Variants in FRMPD2 observed in about 807,000 individuals in gnomAD.
FRMPD2 encodes the protein FERM and PDZ domain containing 2.
Under a neutral mutation model 140.1 loss-of-function variants are expected in FRMPD2, and 96 were observed. The ratio of observed to expected loss-of-function variants is 0.69; its 90% CI spans 0.58 to 0.81. The LOEUF (loss-of-function observed/expected upper bound fraction) is 0.81. FRMPD2 is among the 40% of genes least tolerant of loss of function. The probability of loss-of-function intolerance (pLI) is 0.00; values close to 1 mark genes in which losing one functional copy is unlikely to be tolerated. For missense variants in FRMPD2, 1,240 were observed against 1,447.4 expected (o/e 0.86, Z 2.32); for synonymous variants, 449 against 547.6 (o/e 0.82, Z 2.52).
At chr10:48,218,132 G>A (rs534315225) in intron 12 of FRMPD2, among the ~76,000 whole-genome samples, 4 of 152,266 alleles carry the variant, frequency 2.6e-5, no homozygotes, top group Admixed American at 2.0e-4. Context: ...CCTCCATGGT[G>A]TTTCTTTGTG....
intron 2 of FRMPD2, 78 bp from the exon 3 acceptor site, chr10:48,249,256 T>C: frequency 7.0e-7 from 1 of 1,420,214 alleles, no homozygotes. Context: ...GCCCAGCAGG[T>C]GCCTGGCAGT....
chr10:48,206,156 T>C (rs1433984256), intron 14 of FRMPD2, among the ~76,000 whole-genome samples: 4 of 152,032 alleles, frequency 2.6e-5, no homozygotes, highest in Non-Finnish European at 5.9e-5. Context: ...TGCATGCAAA[T>C]AGTGTTCAAG....
intron 1 of FRMPD2, among the ~76,000 whole-genome samples, chr10:48,263,134 A>G (rs1169854970): frequency 6.6e-6 from 1 of 152,188 alleles, no homozygotes; most frequent in Non-Finnish European, 1.5e-5. Context: ...TGAAAATACA[A>G]GTTACCAAAA....
intron 3 of FRMPD2, among the ~76,000 whole-genome samples, chr10:48,246,281 C>T (rs280614): frequency 0.28 from 41,975 of 152,106 alleles, 8,423 homozygotes; most frequent in African/African-American, 0.57. Context: ...GCAGACAGAG[C>T]TCCAGCATCC....
chr10:48,238,637 A>C (rs1840025409), intron 7 of FRMPD2, among the ~76,000 whole-genome samples: 1 of 152,238 alleles, frequency 6.6e-6, no homozygotes, highest in Non-Finnish European at 1.5e-5. Context: ...GACATCAACT[A>C]TGACAAGACA....
At chr10:48,223,429 G>A (rs1839655725) in intron 10 of FRMPD2, among the ~76,000 whole-genome samples, 159 bp from the exon 11 acceptor site, 1 of 152,158 alleles carries the variant, frequency 6.6e-6, no homozygotes, top group Admixed American at 6.5e-5. Context: ...AGGAACCTTT[G>A]TTGGGGTCAT....
chr10:48,249,913 C>T (rs111712964), intron 2 of FRMPD2, among the ~76,000 whole-genome samples: 7,195 of 152,030 alleles, frequency 0.047, 575 homozygotes, highest in African/African-American at 0.17. Context: ...CATTAGAGGG[C>T]TCTGAAGAGA....
chr10:48,214,820 A>G (rs1328212318), intron 12 of FRMPD2, among the ~76,000 whole-genome samples: 2 of 152,236 alleles, frequency 1.3e-5, no homozygotes, highest in East Asian at 3.8e-4. Context: ...ATACCCCACA[A>G]TACAAGAATG....
intron 1 of FRMPD2, among the ~76,000 whole-genome samples, chr10:48,266,593 A>G (rs1172515541): frequency 6.6e-6 from 1 of 152,246 alleles, no homozygotes; most frequent in African/African-American, 2.4e-5. Context: ...GTCTTGAGAT[A>G]GTCTTTTCAA....
Position 48,184,782 on chromosome 10 carries a change from A to G in FRMPD2, c.2459T>C (p.Ile820Thr), listed in dbSNP as rs759930061. 2.6e-5 allele frequency: 42 copies of G among 1,612,646 alleles called. 1 individual carries two copies. The South Asian group carries it at 4.3e-4, about 17-fold the overall frequency. The change falls in exon 19 of 29, where the codon ATC becomes ACC. Residue 820 changes from isoleucine to threonine, a missense_variant. By Grantham distance (89) the Ile-to-Thr change is moderately conservative. Coordinates refer to ENST00000374201, the MANE Select transcript of FRMPD2 (RefSeq NM_001018071.4). ...AATTTAAAAAGATGTACCTGGTTTG[A>G]TCGTTTTTGCTTTTTCTGCTGGTCC... ...PGGPAEKAKT[I>T]KPGGQILALN... is the part of the protein sequence containing the mutation.
At chr10:48,243,083 T>C (rs1306150100) in intron 4 of FRMPD2, among the ~76,000 whole-genome samples, 1 of 152,174 alleles carries the variant, frequency 6.6e-6, no homozygotes, top group African/African-American at 2.4e-5. Flanking sequence ...TGAGCACCTA[T>C]CTCTGTGTAC....
In FRMPD2 at chr10:48,192,720, C is replaced by T. The variant is rs776377372; in HGVS notation, c.2129G>A (p.Gly710Asp). The change falls in exon 16 of 29, where the codon GGC (glycine) becomes GAC (aspartate). Residue 710 changes from glycine to aspartate, a missense_variant. Physicochemically the swap from Gly to Asp is moderately conservative, Grantham distance 94. Around this residue, in one of 6 missense-constraint regions of FRMPD2, gnomAD observed 1,161 missense variants for 1,055.9 expected, o/e 1.10. Transcript: ENST00000374201. ...GCCTTCTGCTCCAGCCTCCTTGCTG[C>T]CGTCCACGTTGAAGTTATCCATTGA... Reference protein sequence around the residue: ...STSMDNFNVDGSKEAGAEGIG... With the variant: ...STSMDNFNVDDSKEAGAEGIG... The T allele has an allele frequency of 3.1e-6, 5 of 1,614,152 alleles. No homozygotes were observed. In the South Asian group the frequency reaches 5.5e-5, roughly 18 times the overall value.
chr10:48,265,171 T>C (rs1445484758), intron 1 of FRMPD2, among the ~76,000 whole-genome samples: 1 of 152,126 alleles, frequency 6.6e-6, no homozygotes, highest in African/African-American at 2.4e-5. Context: ...TGCAGAAGAT[T>C]AAAACAAAAC....
In FRMPD2 at chr10:48,232,259, T is replaced by C; in HGVS notation, c.1024A>G (p.Arg342Gly). ...TKKGKSYLAL[R>G]DLCVVLLNGQ... ...TTCAGCAGGACCACACAGAGGTCCC[T>C]GAGAGCCAAATAGGATTTCCCTTTT... The change falls in exon 10 of 29, where the codon AGG becomes GGG. Residue 342 changes from arginine to glycine, a missense_variant. Coordinates refer to ENST00000374201, the MANE Select transcript of FRMPD2 (RefSeq NM_001018071.4). 1 of 1,612,880 alleles carries C rather than the reference T, an allele frequency of 6.2e-7. No homozygotes were observed. Among genetic ancestry groups the C allele is most frequent in the Non-Finnish European group, 8.5e-7 (1 of 1,179,286 alleles).
At chr10:48,233,093 C>T (rs1054005327) in intron 9 of FRMPD2, among the ~76,000 whole-genome samples, 3 of 152,198 alleles carry the variant, frequency 2.0e-5, no homozygotes, top group Non-Finnish European at 2.9e-5. Flanking sequence ...TCCCAAAGCC[C>T]AGCCTGGACC....
intron 9 of FRMPD2, among the ~76,000 whole-genome samples, chr10:48,235,593 G>C (rs1416959477): frequency 1.3e-5 from 2 of 152,166 alleles, no homozygotes; most frequent in Non-Finnish European, 1.5e-5. Flanking sequence ...TGGGAGGGGA[G>C]AGCCTCTAGC....
Position 48,173,735 on chromosome 10 carries a change from C to T in FRMPD2, c.3076-642G>A, listed in dbSNP as rs200687570. On this transcript the variant is annotated intron_variant, in intron 24 of 28. Transcript: ENST00000374201. The stretch of plus-strand genomic sequence containing the variant: ...GGCACCCCAGGTCTGTACCACCTGC[C>T]CTCCCCTTTCTTTCCAATGTGATTT... Among the ~76,000 whole-genome samples the T allele has an allele frequency of 1.4e-4, 22 of 152,218 alleles. No individual in the cohort carries two copies. In the East Asian group the frequency reaches 4.3e-3, roughly 29 times the overall value.
At chr10:48,233,406 A>C (rs17011328) in intron 9 of FRMPD2, among the ~76,000 whole-genome samples, 5,763 of 152,280 alleles carry the variant, frequency 0.038, 296 homozygotes, top group African/African-American at 0.12. Flanking sequence ...GTCTGGCACA[A>C]GGCCTAGGAA....
intron 3 of FRMPD2, among the ~76,000 whole-genome samples, chr10:48,247,628 C>G (rs1329527347): frequency 6.6e-5 from 10 of 152,166 alleles, no homozygotes; most frequent in Admixed American, 6.5e-4. Flanking sequence ...CTCTTAGGTC[C>G]CCTCCAGACT....
Sources: gnomAD v4.1 joint callset for allele counts (sites outside exome capture counted in the v4.1 genomes callset) on GRCh38, gnomAD v4.1.1 for gene constraint, gnomAD v4.1.1 regional missense constraint, MANE v1.5 for transcripts, NCBI Gene and HGNC (gene_info 2026-07-23, HGNC 2026-07-21) for gene names.